OPCML: variants seen among roughly 807,000 people sequenced by gnomAD.
OPCML encodes the protein opioid-binding protein/cell adhesion molecule.
Under a neutral mutation model 37.8 loss-of-function variants are expected in OPCML, and 13 were observed. The ratio of observed to expected loss-of-function variants is 0.34; its 90% CI spans 0.22 to 0.55. The LOEUF is 0.55. Among genes scored for constraint, OPCML ranks in the 20% least tolerant of loss-of-function variants. The pLI is 0.91. For synonymous variants in OPCML, 176 were observed against 168.8 expected, an observed-to-expected ratio of 1.04 and a Z score of -0.33; for missense variants, 341 against 435.6, an observed-to-expected ratio of 0.78 and a Z score of 1.93.
intron 1 of OPCML, among the ~76,000 whole-genome samples, chr11:133,082,300 C>T (rs1237173348): frequency 1.3e-5 from 2 of 151,476 alleles, no homozygotes; most frequent in South Asian, 2.1e-4. Flanking sequence ...GTAGGCGAGC[C>T]GGGCTCCACC....
intron 3 of OPCML, among the ~76,000 whole-genome samples, chr11:132,617,664 G>A (rs555451032): frequency 1.3e-5 from 2 of 152,370 alleles, no homozygotes; most frequent in African/African-American, 4.8e-5. Context: ...TGGGGGCTGG[G>A]ATCTGAGATG....
chr11:132,610,754 A>G (rs1346569464), intron 3 of OPCML, among the ~76,000 whole-genome samples: 1 of 152,190 alleles, frequency 6.6e-6, no homozygotes, highest in Non-Finnish European at 1.5e-5. Context: ...AATGCAAAGG[A>G]TGACTGCAAA....
intron 2 of OPCML, among the ~76,000 whole-genome samples, chr11:132,722,063 C>G (rs1944692900): frequency 7.3e-6 from 1 of 137,132 alleles, no homozygotes; most frequent in Non-Finnish European, 1.5e-5. Context: ...TCATGCCATT[C>G]TCCTGCCTCA....
At position 132,607,677 on chromosome 11, in the gene OPCML, G is replaced by A. The variant is rs376736118; in HGVS notation, c.379+49410C>T. On this transcript the variant is annotated intron_variant, in intron 3 of 7. Coordinates refer to ENST00000524381, the MANE Select transcript of OPCML (RefSeq NM_001012393.5). ...TTGGGTTCCAGCTTCAGCTCGGTGA[G>A]TTCATTAGCTGTGTAATTTTAGGTA... Among the ~76,000 whole-genome samples, 7 of 152,204 alleles carry A rather than the reference G, an allele frequency of 4.6e-5. No homozygotes were observed. In the South Asian group the frequency reaches 1.4e-3, roughly 32 times the overall value.
At position 132,943,752 on chromosome 11, in the gene OPCML, G is replaced by A. The variant is rs553062330; in HGVS notation, c.62-742C>T. On this transcript the variant is annotated intron_variant, in intron 1 of 7. Coordinates refer to ENST00000524381, the MANE Select transcript of OPCML (RefSeq NM_001012393.5). The surrounding 1 kb of genome is among the most constrained non-coding windows in gnomAD (Gnocchi z 4.3). ...GGTCGGCGACTCGCGGCCAGCCGGG[G>A]GAGCGCCGCCCGGCGCAGGCTCCGG... is the stretch of plus-strand genomic sequence containing the variant. 2.8e-4 allele frequency: 43 copies of A among 151,034 alleles called. No individual in the cohort carries two copies. The highest frequency in any genetic ancestry group is 1.0e-3 in the African/African-American group (42 of 41,430). 9.4% of individuals were successfully genotyped at this position (151,034 alleles called of 1,614,324 possible). A position where few individuals can be genotyped will look rare whatever the true frequency, so the allele number is the denominator to read the frequency against.
chr11:133,119,020 C>T (rs1019843370), intron 1 of OPCML, among the ~76,000 whole-genome samples: 1 of 152,202 alleles, frequency 6.6e-6, no homozygotes, highest in African/African-American at 2.4e-5. Context: ...CAATTACTTC[C>T]TTTGGATAAT....
At chr11:132,649,168 G>A (rs575608652) in intron 3 of OPCML, among the ~76,000 whole-genome samples, 27 of 152,256 alleles carry the variant, frequency 1.8e-4, no homozygotes, top group African/African-American at 5.1e-4. Context: ...GTATGTGTAC[G>A]TGGTGTCTGT....
chr11:132,698,590 T>C (rs1311617767), intron 2 of OPCML, among the ~76,000 whole-genome samples: 2 of 152,228 alleles, frequency 1.3e-5, no homozygotes, highest in Admixed American at 1.3e-4. Flanking sequence ...AGGCTGTCTC[T>C]TCACTCTGTT....
At chr11:132,541,109 T>C (rs1031896566) in intron 3 of OPCML, among the ~76,000 whole-genome samples, 13 of 152,200 alleles carry the variant, frequency 8.5e-5, no homozygotes, top group African/African-American at 2.9e-4. Flanking sequence ...AGGAAGTACT[T>C]TGGTTCCAGT....
chr11:133,273,960 A>G (rs1396793536), intron 1 of OPCML, among the ~76,000 whole-genome samples: 6 of 152,242 alleles, frequency 3.9e-5, no homozygotes, highest in Non-Finnish European at 8.8e-5. Flanking sequence ...ACACAATAAC[A>G]TCATGATATA....
chr11:132,541,515 G>C (rs1053313583), intron 3 of OPCML, among the ~76,000 whole-genome samples: 5 of 107,956 alleles, frequency 4.6e-5, no homozygotes, highest in Non-Finnish European at 6.8e-5. Flanking sequence ...TCTATATCCA[G>C]ATTTTTTTTT....
intron 1 of OPCML, among the ~76,000 whole-genome samples, chr11:133,189,561 T>C (rs546130114): frequency 2.8e-4 from 43 of 152,344 alleles, no homozygotes; most frequent in African/African-American, 1.0e-3. Flanking sequence ...AGTCAGGTTG[T>C]CCATCTCTCA....
intron 1 of OPCML, among the ~76,000 whole-genome samples, chr11:133,469,157 C>A (rs567910867): frequency 6.6e-6 from 1 of 152,302 alleles, no homozygotes; most frequent in South Asian, 2.1e-4. Context: ...TCTTTATACT[C>A]CCTTTCTAAC....
intron 1 of OPCML, among the ~76,000 whole-genome samples, chr11:133,227,969 T>A (rs1940109725): frequency 6.6e-6 from 1 of 152,058 alleles, no homozygotes; most frequent in Non-Finnish European, 1.5e-5. Flanking sequence ...AGCAGTGGAG[T>A]GCCCCGACCA....
At chr11:133,438,770 A>C (rs1946296662) in intron 1 of OPCML, among the ~76,000 whole-genome samples, 1 of 152,078 alleles carries the variant, frequency 6.6e-6, no homozygotes, top group African/African-American at 2.4e-5. Flanking sequence ...ACCTCTGGGG[A>C]GGGGAAAAGA....
At chr11:133,088,244 A>G (rs962752494) in intron 1 of OPCML, among the ~76,000 whole-genome samples, 5 of 152,258 alleles carry the variant, frequency 3.3e-5, no homozygotes, top group Admixed American at 3.3e-4. Flanking sequence ...CTGAGACAGA[A>G]AACTTCATGG....
chr11:132,652,411 C>T (rs1018324511), intron 3 of OPCML, among the ~76,000 whole-genome samples: 33 of 148,474 alleles, frequency 2.2e-4, no homozygotes, highest in African/African-American at 8.2e-4. Flanking sequence ...GAAAATGTTC[C>T]ATTGATCTAG....
At chr11:133,084,864 T>G (rs189609401) in intron 1 of OPCML, among the ~76,000 whole-genome samples, 1 of 152,306 alleles carries the variant, frequency 6.6e-6, no homozygotes, top group East Asian at 1.9e-4. Context: ...CCATACAATA[T>G]AGATTTATTA....
intron 2 of OPCML, among the ~76,000 whole-genome samples, chr11:132,757,513 T>A (rs996826272): frequency 6.6e-6 from 1 of 152,256 alleles, no homozygotes; most frequent in Admixed American, 6.5e-5. Flanking sequence ...TGAGATGGTA[T>A]CTCATTGTGG....
Sources: gnomAD v4.1 joint callset for allele counts (sites outside exome capture counted in the v4.1 genomes callset) on GRCh38, gnomAD v4.1.1 for gene constraint, Gnocchi (gnomAD v3.1) non-coding constraint, MANE v1.5 for transcripts, NCBI Gene and HGNC (gene_info 2026-07-23, HGNC 2026-07-21) for gene names.